Variants in MYO3B observed in about 807,000 individuals in gnomAD.
The protein encoded by MYO3B is myosin-IIIb.
Under a neutral mutation model 174.6 loss-of-function variants are expected in MYO3B, and 156 were observed. The observed-to-expected ratio is 0.89, with a 90% CI of 0.78 to 1.02. The LOEUF is 1.02. MYO3B is among the 50% of genes least tolerant of loss of function. The pLI is 0.00. For missense variants in MYO3B, 1,632 were observed against 1,639.4 expected, an observed-to-expected ratio of 1.00 and a Z score of 0.08; for synonymous variants, 563 against 569.1, an observed-to-expected ratio of 0.99 and a Z score of 0.15.
At chr2:170,366,822 C>T (rs2094202638) in intron 8 of MYO3B, among the ~76,000 whole-genome samples, 1 of 152,148 alleles carries the variant, frequency 6.6e-6, no homozygotes, top group South Asian at 2.1e-4. Context: ...TGGATGCTAA[C>T]ATTGTGAAAC....
intron 7 of MYO3B, among the ~76,000 whole-genome samples, chr2:170,311,898 G>A (rs1002631116): frequency 1.3e-5 from 2 of 152,080 alleles, no homozygotes; most frequent in South Asian, 2.1e-4. Context: ...CAACATTGTC[G>A]AAAATCAATC....
At chr2:170,439,323 G>A (rs1243419457) in intron 22 of MYO3B, among the ~76,000 whole-genome samples, 2 of 151,946 alleles carry the variant, frequency 1.3e-5, no homozygotes, top group African/African-American at 4.8e-5. Flanking sequence ...AGTGAGCCAA[G>A]ATTGTGCCAC....
chr2:170,266,713 T>G (rs146763556), intron 7 of MYO3B, among the ~76,000 whole-genome samples: 27 of 152,190 alleles, frequency 1.8e-4, no homozygotes, highest in African/African-American at 6.5e-4. Flanking sequence ...ATCTGTGGGG[T>G]CAAAAGTTTA....
chr2:170,604,367 A>G (rs556511461), intron 32 of MYO3B, among the ~76,000 whole-genome samples: 1 of 152,288 alleles, frequency 6.6e-6, no homozygotes, highest in South Asian at 2.1e-4. Flanking sequence ...CCTCTGGAGC[A>G]AGGGCTAGGG....
chr2:170,341,865 G>T (rs1008481797), intron 8 of MYO3B, among the ~76,000 whole-genome samples: 3 of 152,056 alleles, frequency 2.0e-5, no homozygotes, highest in Non-Finnish European at 4.4e-5. Flanking sequence ...CACACCAAGG[G>T]CCTGATTTGA....
At chr2:170,648,762 GAATAT>G (rs1210721006) in intron 32 of MYO3B, among the ~76,000 whole-genome samples, 6 of 58,218 alleles carry the variant, frequency 1.0e-4, no homozygotes, top group African/African-American at 2.6e-4. Context: ...ATTATATATA[GAATAT>G]AATATATTCT....
At position 170,554,795 on chromosome 2, in the gene MYO3B, G is replaced by A. The variant is rs199974490; in HGVS notation, c.3733+10807G>A. Among the ~76,000 whole-genome samples, 56 of 152,332 alleles carry A rather than the reference G, an allele frequency of 3.7e-4. No homozygotes were observed. In the East Asian group the frequency reaches 7.5e-3, roughly 20 times the overall value. On this transcript the variant is annotated intron_variant, in intron 32 of 34. Transcript: ENST00000408978. ...GGAGTGCAGATGCCAAACAACACAAGGCGGGTGGTGTGTGAGTCAAGTTAG... is the reference window on the plus strand; with the variant it reads ...GGAGTGCAGATGCCAAACAACACAAAGCGGGTGGTGTGTGAGTCAAGTTAG...
chr2:170,595,058 T>C (rs952773806), intron 32 of MYO3B, among the ~76,000 whole-genome samples: 2 of 152,152 alleles, frequency 1.3e-5, no homozygotes, highest in African/African-American at 4.8e-5. Flanking sequence ...TGGAGCCTGA[T>C]GATCACATCT....
At chr2:170,404,196 G>T (rs751681011) in intron 19 of MYO3B, 51 bp from the exon 20 acceptor site, 4 of 1,538,804 alleles carry the variant, frequency 2.6e-6, no homozygotes. Flanking sequence ...TATCCTGGTG[G>T]TCCCAAGGCT....
chr2:170,223,950 GC>G (rs1260432558), intron 6 of MYO3B, among the ~76,000 whole-genome samples: 1 of 152,166 alleles, frequency 6.6e-6, no homozygotes, highest in Non-Finnish European at 1.5e-5. Context: ...GCCATCCAGA[GC>G]CCCTTGAGTG....
rs904933435 is a variant in MYO3B at position 170,495,841 on chromosome 2, A to G, written c.3015-2751A>G. Among the ~76,000 whole-genome samples, 5 of 152,342 alleles carry G rather than the reference A, an allele frequency of 3.3e-5. No individual in the cohort carries two copies. The South Asian group carries it at 1.0e-3, about 32-fold the overall frequency. On this transcript the variant is annotated intron_variant, in intron 25 of 34. Coordinates refer to ENST00000408978, the MANE Select transcript of MYO3B (RefSeq NM_138995.5). The stretch of plus-strand genomic sequence containing the variant: ...TACCATTGACTTTTCTCACCGCAAT[A>G]GATTTGCCAGCCATTCCCACCATCC...
intron 25 of MYO3B, among the ~76,000 whole-genome samples, chr2:170,477,317 G>A (rs907080990): frequency 6.6e-6 from 1 of 152,112 alleles, no homozygotes; most frequent in Admixed American, 6.6e-5. Context: ...TGCCAAACTA[G>A]TTGTTGCTCC....
rs1231196916 is a variant in MYO3B at position 170,178,189 on chromosome 2, C to A, written c.-99C>A. 2 of 1,434,534 alleles carry A rather than the reference C, an allele frequency of 1.4e-6. No individual in the cohort carries two copies. Among genetic ancestry groups the A allele is most frequent in the South Asian group, 1.1e-5 (1 of 87,300 alleles). The allele number at this position is 1,434,534 out of a possible 1,614,324, so 88.9% of individuals were successfully genotyped here. A position where few individuals can be genotyped will look rare whatever the true frequency, so the allele number is the denominator to read the frequency against. ...GTAATGATGTGTCATACATTCTAGT[C>A]ATCAAAGACACCATTTTCTGGGCCT... On this transcript the variant is annotated 5_prime_UTR_variant, in exon 1 of 35. Transcript: ENST00000408978.
chr2:170,266,780 G>A (rs1282093814), intron 7 of MYO3B, among the ~76,000 whole-genome samples: 1 of 152,178 alleles, frequency 6.6e-6, no homozygotes, highest in Non-Finnish European at 1.5e-5. Flanking sequence ...GGTTTCTTCT[G>A]ATGGCAATAG....
At chr2:170,519,328 G>T in intron 29 of MYO3B, 110 bp from the exon 30 acceptor site, 1 of 700,278 alleles carries the variant, frequency 1.4e-6, no homozygotes. Context: ...GAAAGTCACG[G>T]AGTGGTATGA....
chr2:170,463,360 G>A lies in MYO3B; in HGVS notation c.2731-8G>A. On this transcript the variant is annotated splice_region_variant and splice_polypyrimidine_tract_variant and intron_variant, in intron 23 of 34. Transcript: ENST00000408978. ...CCTCAAACCACTTGCCTCCACCTAT[G>A]CTTCCAGGTGGACACTCTGGAGGTG... 6.2e-7 allele frequency: 1 copy of A among 1,612,256 alleles called. No homozygotes were observed. Among genetic ancestry groups the A allele is most frequent in the African/African-American group, 1.3e-5 (1 of 74,998 alleles).
intron 6 of MYO3B, among the ~76,000 whole-genome samples, chr2:170,227,277 T>A (rs2092961518): frequency 6.6e-6 from 1 of 152,156 alleles, no homozygotes; most frequent in African/African-American, 2.4e-5. Flanking sequence ...GTATTTCTCA[T>A]ACTTTTTTGT....
At chr2:170,565,376 A>G (rs1310772944) in intron 32 of MYO3B, among the ~76,000 whole-genome samples, 1 of 152,188 alleles carries the variant, frequency 6.6e-6, no homozygotes, top group Admixed American at 6.5e-5. Flanking sequence ...AAACTGAATG[A>G]TGTTCATTTT....
chr2:170,271,066 G>A (rs991649600), intron 7 of MYO3B, among the ~76,000 whole-genome samples: 21 of 152,094 alleles, frequency 1.4e-4, no homozygotes, highest in Non-Finnish European at 2.6e-4. Flanking sequence ...AATTGGAGCC[G>A]GTAAAGATTG....
Sources: gnomAD v4.1 joint callset for allele counts (sites outside exome capture counted in the v4.1 genomes callset) on GRCh38, gnomAD v4.1.1 for gene constraint, MANE v1.5 for transcripts, NCBI Gene and HGNC (gene_info 2026-07-23, HGNC 2026-07-21) for gene names.